The following PCDH15 variants were observed in gnomAD, a reference collection of about 807,000 sequenced individuals.
The protein encoded by PCDH15 is protocadherin-15.
Under a neutral mutation model 178.5 loss-of-function variants are expected in PCDH15, and 129 were observed. The ratio of observed to expected loss-of-function variants is 0.72; its 90% CI spans 0.63 to 0.84. The LOEUF (loss-of-function observed/expected upper bound fraction) is 0.84, where lower values mean the gene tolerates loss of function less well. PCDH15 is among the 40% of genes least tolerant of loss of function. PCDH15 has a pLI of 0.00. For synonymous variants in PCDH15, 800 were observed against 732.0 expected (o/e 1.09, Z -1.50); for missense variants, 2,230 against 2,099.9 (o/e 1.06, Z -1.21).
At chr10:54,589,232 T>C (rs1239191159) in intron 2 of PCDH15, among the ~76,000 whole-genome samples, 1 of 152,220 alleles carries the variant, frequency 6.6e-6, no homozygotes, top group Non-Finnish European at 1.5e-5. Context: ...TTTATTGTAC[T>C]CTAGTTGTGC....
intron 14 of PCDH15, among the ~76,000 whole-genome samples, chr10:54,144,049 G>C (rs544217350): frequency 6.7e-6 from 1 of 149,352 alleles, no homozygotes; most frequent in African/African-American, 2.5e-5. Flanking sequence ...TTTGCAAGTA[G>C]ATTTGTCCTG....
chr10:54,816,302 G>T (rs1952949452), intron 3 of PCDH15, among the ~76,000 whole-genome samples: 1 of 152,018 alleles, frequency 6.6e-6, no homozygotes, highest in African/African-American at 2.4e-5. Flanking sequence ...TGACTTTTCA[G>T]TATATGCAGA....
At chr10:55,271,698 C>T (rs1479174375) in intron 1 of PCDH15, among the ~76,000 whole-genome samples, 1 of 151,992 alleles carries the variant, frequency 6.6e-6, no homozygotes, top group Non-Finnish European at 1.5e-5. Context: ...CTCTTCCTAC[C>T]TTTCCCAAAC....
intron 26 of PCDH15, among the ~76,000 whole-genome samples, chr10:53,896,647 G>A (rs2133566286): frequency 6.6e-6 from 1 of 152,206 alleles, no homozygotes; most frequent in East Asian, 1.9e-4. Flanking sequence ...GTGAGTGGTG[G>A]GTGACTGAGT....
At chr10:54,241,994 G>GC (rs1232888538) in intron 8 of PCDH15, among the ~76,000 whole-genome samples, 2 of 150,340 alleles carry the variant, frequency 1.3e-5, no homozygotes, top group African/African-American at 4.9e-5. Flanking sequence ...TTAAGACAAT[G>GC]TTTTCATGCA....
chr10:54,904,281 A>G (rs935956101), intron 2 of PCDH15, among the ~76,000 whole-genome samples: 43 of 152,058 alleles, frequency 2.8e-4, no homozygotes, highest in African/African-American at 9.9e-4. Context: ...TCTTAAGCCT[A>G]AATTTTAGCC....
intron 8 of PCDH15, among the ~76,000 whole-genome samples, chr10:54,291,980 C>T (rs2059444124): frequency 6.6e-6 from 1 of 152,194 alleles, no homozygotes; most frequent in Admixed American, 6.5e-5. Flanking sequence ...ACGAGGCCAG[C>T]ATCATCCTGA....
intron 3 of PCDH15, among the ~76,000 whole-genome samples, chr10:54,471,675 A>C (rs1273871434): frequency 6.6e-6 from 1 of 151,692 alleles, no homozygotes; most frequent in African/African-American, 2.4e-5. Context: ...TATAGAATAT[A>C]GTTTCCTGCA....
At chr10:54,253,148 T>C (rs1381256453) in intron 8 of PCDH15, among the ~76,000 whole-genome samples, 1 of 152,020 alleles carries the variant, frequency 6.6e-6, no homozygotes, top group Non-Finnish European at 1.5e-5. Flanking sequence ...AGAAATATCA[T>C]TTTAAATTCA....
At chr10:53,835,060 ATTTTC>A (rs1257849622) in intron 29 of PCDH15, among the ~76,000 whole-genome samples, 2 of 152,088 alleles carry the variant, frequency 1.3e-5, no homozygotes, top group South Asian at 2.1e-4. Context: ...ATCATCAACT[ATTTTC>A]TTTTCACAGT....
At chr10:54,018,917 A>T (rs1204763341) in intron 20 of PCDH15, among the ~76,000 whole-genome samples, 2 of 152,112 alleles carry the variant, frequency 1.3e-5, no homozygotes, top group African/African-American at 4.8e-5. Flanking sequence ...ACTGTGAATA[A>T]AATATAAATC....
intron 2 of PCDH15, among the ~76,000 whole-genome samples, chr10:54,546,101 A>C (rs2085824040): frequency 1.3e-5 from 2 of 152,320 alleles, no homozygotes; most frequent in African/African-American, 2.4e-5. Flanking sequence ...TCCACTAGAA[A>C]GTTCAGATTC....
At chr10:54,326,798 A>C (rs1423172200) in intron 7 of PCDH15, among the ~76,000 whole-genome samples, 5 of 152,146 alleles carry the variant, frequency 3.3e-5, no homozygotes, top group Non-Finnish European at 5.9e-5. Flanking sequence ...ATGGTGATCC[A>C]TTATTATTAT....
At chr10:55,014,866 A>C (rs1208735007) in intron 2 of PCDH15, among the ~76,000 whole-genome samples, 1 of 152,180 alleles carries the variant, frequency 6.6e-6, no homozygotes, top group Non-Finnish European at 1.5e-5. Flanking sequence ...AATACTTAAA[A>C]CTATTGTGTC....
In PCDH15 at chr10:54,679,013, AC is replaced by A. The variant is rs1175831935; in HGVS notation, c.-28-14724del. ...AGACCATCTTGGCTAACACGGTGAA[AC>A]CCCGTTTCTACTAAAAATACAAAAA... On this transcript the variant is annotated intron_variant, in intron 1 of 37. Coordinates refer to ENST00000644397, the MANE Select transcript of PCDH15 (RefSeq NM_001384140.1). Among the ~76,000 whole-genome samples, 24 of 151,482 alleles carry A rather than the reference AC, an allele frequency of 1.6e-4. 1 individual carries two copies. Among genetic ancestry groups the A allele is most frequent in the Non-Finnish European group, 3.2e-4 (22 of 67,854 alleles).
intron 2 of PCDH15, among the ~76,000 whole-genome samples, chr10:55,001,568 C>A (rs1839795887): frequency 1.3e-5 from 2 of 152,310 alleles, no homozygotes; most frequent in Admixed American, 6.5e-5. Flanking sequence ...TTGCACAGAG[C>A]TGGCACCTTT....
At chr10:54,862,456 T>C (rs1953859619) in intron 3 of PCDH15, among the ~76,000 whole-genome samples, 2 of 152,142 alleles carry the variant, frequency 1.3e-5, no homozygotes, top group African/African-American at 4.8e-5. Context: ...AAGGTGTGAA[T>C]AGTTTTTATG....
Position 53,821,879 on chromosome 10 carries a change from G to C in PCDH15, c.4368-1649C>G, listed in dbSNP as rs778841983. On this transcript the variant is annotated intron_variant, in intron 32 of 37. Transcript: ENST00000644397. ...AACATTACAGTGAAGTAGATTGACTGTGAGATTGTTTTTCAGTTCCCTCGA... is the reference window on the plus strand; with the variant it reads ...AACATTACAGTGAAGTAGATTGACTCTGAGATTGTTTTTCAGTTCCCTCGA... 4 of 1,613,378 alleles carry C rather than the reference G, an allele frequency of 2.5e-6. No individual in the cohort carries two copies. Among genetic ancestry groups the C allele is most frequent in the Non-Finnish European group, 3.4e-6 (4 of 1,179,706 alleles).
chr10:54,205,015 T>C (rs1326843168), intron 10 of PCDH15, among the ~76,000 whole-genome samples: 1 of 152,208 alleles, frequency 6.6e-6, no homozygotes, highest in Non-Finnish European at 1.5e-5. Context: ...TTTAATTTTA[T>C]CATATCTTCC....
Sources: allele counts gnomAD v4.1 joint callset (sites outside exome capture counted in the v4.1 genomes callset), GRCh38; gene constraint gnomAD v4.1.1; transcripts MANE v1.5; gene names NCBI Gene and HGNC (gene_info 2026-07-23, HGNC 2026-07-21).